The following MAPT variants were observed in gnomAD, a reference collection of about 807,000 sequenced individuals.
MAPT encodes microtubule-associated protein tau.
In MAPT, 34 loss-of-function variants were observed where a neutral mutation model predicts 67.9. That is an observed-to-expected ratio of 0.50 (90% confidence interval 0.38 to 0.67). MAPT has a LOEUF of 0.67. Ranked by LOEUF, MAPT falls within the 30% of genes least tolerant of loss-of-function variation. The pLI is 0.00. For missense variants in MAPT, 881 were observed against 1,115.2 expected, an observed-to-expected ratio of 0.79 and a Z score of 2.99; for synonymous variants, 456 against 464.5, an observed-to-expected ratio of 0.98 and a Z score of 0.23.
At chr17:45,999,595 C>T in intron 9 of MAPT, 1 of 1,612,086 alleles carries the variant, frequency 6.2e-7, no homozygotes, top group Non-Finnish European at 8.5e-7. Context: ...CCAGAACTGT[C>T]CCTCCCACCC....
At chr17:45,958,581 T>C (rs2070003150) in intron 1 of MAPT, among the ~76,000 whole-genome samples, 1 of 151,860 alleles carries the variant, frequency 6.6e-6, no homozygotes, top group African/African-American at 2.4e-5. Flanking sequence ...ATTAGCCGGG[T>C]GTGATGGCAC....
chr17:46,018,794 G>A, intron 12 of MAPT, 64 bp downstream of exon 12: 3 of 1,182,736 alleles, frequency 2.5e-6, no homozygotes, highest in South Asian at 1.2e-5. Context: ...AAGTTGAGTG[G>A]ACAAAGGCTG....
chr17:45,997,567 GACCA>G (rs2074594868), intron 9 of MAPT, among the ~76,000 whole-genome samples: 1 of 152,188 alleles, frequency 6.6e-6, no homozygotes, highest in Admixed American at 6.5e-5. Flanking sequence ...AGACCAACCT[GACCA>G]ACAGGGTGAA....
intron 9 of MAPT, among the ~76,000 whole-genome samples, chr17:45,997,786 A>G (rs1485090627): frequency 6.6e-6 from 1 of 150,734 alleles, no homozygotes; most frequent in Admixed American, 6.6e-5. Context: ...AACCAAAAAA[A>G]CCCACCATGG....
intron 1 of MAPT, among the ~76,000 whole-genome samples, chr17:45,923,043 C>A (rs1301354520): frequency 6.6e-6 from 1 of 152,122 alleles, no homozygotes; most frequent in Non-Finnish European, 1.5e-5. Flanking sequence ...TGAGCCAAGC[C>A]CCTTAACCTC....
chr17:45,990,390 G>T, intron 7 of MAPT: 1 of 456,908 alleles, frequency 2.2e-6, no homozygotes, highest in Non-Finnish European at 4.1e-6. Context: ...GAGGAGGGTG[G>T]ATCACCTGAG....
intron 9 of MAPT, among the ~76,000 whole-genome samples, chr17:46,006,741 C>T (rs1474372354): frequency 2.6e-5 from 4 of 151,742 alleles, no homozygotes; most frequent in South Asian, 2.1e-4. Context: ...GGTGAAACCC[C>T]GTCTCTACTA....
chr17:45,935,653 G>A (rs1432685253), intron 1 of MAPT, among the ~76,000 whole-genome samples: 1 of 152,092 alleles, frequency 6.6e-6, no homozygotes. Flanking sequence ...CTCTGATCCG[G>A]GCTCTTCCAG....
intron 9 of MAPT, among the ~76,000 whole-genome samples, chr17:45,998,247 C>G (rs73317014): frequency 6.6e-6 from 1 of 152,190 alleles, no homozygotes; most frequent in African/African-American, 2.4e-5. Context: ...CACCTCCCCC[C>G]ACCCAGGATC....
chr17:46,006,891 C>A (rs1455191350), intron 9 of MAPT, among the ~76,000 whole-genome samples: 2 of 150,364 alleles, frequency 1.3e-5, no homozygotes, highest in Non-Finnish European at 3.0e-5. Flanking sequence ...CCACTGCACT[C>A]CAGCCTGGGC....
chr17:45,988,435 C>G (rs118086283), intron 6 of MAPT, among the ~76,000 whole-genome samples: 1 of 152,292 alleles, frequency 6.6e-6, no homozygotes, highest in East Asian at 1.9e-4. Context: ...GCCCACCCGT[C>G]AAAATCCCCC....
At chr17:45,960,674 G>T (rs1005799647) in intron 1 of MAPT, among the ~76,000 whole-genome samples, 7 of 152,100 alleles carry the variant, frequency 4.6e-5, no homozygotes, top group Non-Finnish European at 8.8e-5. Context: ...ATAGAGCCAG[G>T]CATGGTGGCA....
At chr17:45,942,068 T>A (rs2068051045) in intron 1 of MAPT, among the ~76,000 whole-genome samples, 1 of 152,130 alleles carries the variant, frequency 6.6e-6, no homozygotes, top group South Asian at 2.1e-4. Flanking sequence ...ATTGTAAACA[T>A]AATACATGTT....
intron 1 of MAPT, among the ~76,000 whole-genome samples, chr17:45,928,057 C>T (rs1211381713): frequency 6.6e-6 from 1 of 150,804 alleles, no homozygotes; most frequent in Non-Finnish European, 1.5e-5. Flanking sequence ...AACTCCATCT[C>T]CTCCCAACAT....
At chr17:45,958,021 A>G (rs1186713742) in intron 1 of MAPT, among the ~76,000 whole-genome samples, 2 of 152,224 alleles carry the variant, frequency 1.3e-5, no homozygotes, top group Admixed American at 6.5e-5. Context: ...GACAGAGTGC[A>G]TGGTGCATTC....
intron 1 of MAPT, among the ~76,000 whole-genome samples, chr17:45,911,314 G>C (rs1021775617): frequency 6.6e-6 from 1 of 152,198 alleles, no homozygotes; most frequent in Non-Finnish European, 1.5e-5. Flanking sequence ...TGGATGAGTG[G>C]GTGAGTTCAA....
chr17:45,916,635 A>G, intron 1 of MAPT, among the ~76,000 whole-genome samples: 1 of 152,130 alleles, frequency 6.6e-6, no homozygotes, highest in East Asian at 1.9e-4. Context: ...GGAGTTGCCC[A>G]CTTTCCCTTT....
At chr17:45,991,646 C>T in intron 8 of MAPT, 60 bp downstream of exon 8, 1 of 1,613,342 alleles carries the variant, frequency 6.2e-7, no homozygotes, top group Non-Finnish European at 8.5e-7. Flanking sequence ...GTACAGCCTT[C>T]ATTTTAGGAG....
intron 9 of MAPT, among the ~76,000 whole-genome samples, chr17:46,009,024 C>T (rs1366615711): frequency 1.3e-5 from 2 of 152,134 alleles, no homozygotes; most frequent in South Asian, 2.1e-4. Context: ...ATAGCATGAC[C>T]TCGTCTCTAC....
Sources: gnomAD v4.1 joint callset for allele counts (sites outside exome capture counted in the v4.1 genomes callset) on GRCh38, gnomAD v4.1.1 for gene constraint, MANE v1.5 for transcripts, NCBI Gene and HGNC (gene_info 2026-07-23, HGNC 2026-07-21) for gene names.